The following PKD1L1 variants were observed in gnomAD, a reference collection of about 807,000 sequenced individuals.
PKD1L1 encodes the protein polycystin-1-like protein 1.
PKD1L1 carries 236 observed loss-of-function variants against 323.4 expected under a neutral mutation model. That is an observed-to-expected ratio of 0.73 (90% CI 0.66 to 0.81). The LOEUF (loss-of-function observed/expected upper bound fraction) is 0.81, where lower values mean the gene tolerates loss of function less well. Ranked by LOEUF, PKD1L1 falls within the 40% of genes least tolerant of loss-of-function variation. The probability of loss-of-function intolerance (pLI) is 0.00; values close to 1 mark genes in which losing one functional copy is unlikely to be tolerated. For missense variants in PKD1L1, 3,320 were observed against 3,508.0 expected, an observed-to-expected ratio of 0.95 and a Z score of 1.35; for synonymous variants, 1,344 against 1,335.0, an observed-to-expected ratio of 1.01 and a Z score of -0.15.
At position 47,813,234 on chromosome 7, in the gene PKD1L1, A is replaced by T; in HGVS notation, c.7233T>A (p.Val2411=). 12 of 1,614,174 alleles carry T rather than the reference A, an allele frequency of 7.4e-6. No individual in the cohort carries two copies. The highest frequency in any genetic ancestry group is 1.0e-5 in the Non-Finnish European group (12 of 1,180,022). The change falls in exon 49 of 57, where the codon GTT becomes GTA. Residue 2411 remains valine (V), a synonymous_variant. Coordinates refer to ENST00000289672, the MANE Select transcript of PKD1L1 (RefSeq NM_138295.5). ...EDSIPTCSPE[V]GGPENPYLID... ...TCAGGTAGGGGTTCTCAGGGCCTCC[A>T]ACTTCGGGACTACATGTAGGAATAG...
rs748121379 is a variant in PKD1L1, at chr7:47,876,222, G to C, written c.3664-5C>G. On this transcript the variant is annotated splice_polypyrimidine_tract_variant and splice_region_variant and intron_variant, in intron 22 of 56. Transcript: ENST00000289672. ...ACTAAATTCATAATGGAAGTCCTATGATCCAGTCCAAGGGAGCAAAAATAG... is the reference window on the plus strand; with the variant it reads ...ACTAAATTCATAATGGAAGTCCTATCATCCAGTCCAAGGGAGCAAAAATAG... The C allele has an allele frequency of 2.4e-5, 39 of 1,613,648 alleles. No homozygotes were observed. The East Asian group carries it at 8.7e-4, about 36-fold the overall frequency.
At chr7:47,827,224 GTCCCCACCTCCA>G in intron 45 of PKD1L1, 114 bp downstream of exon 45, 2 of 809,630 alleles carry the variant, frequency 2.5e-6, no homozygotes, top group Non-Finnish European at 3.8e-6. Flanking sequence ...CAGCAAGGTG[GTCCCCACCTCCA>G]CTCCCCACTC....
intron 4 of PKD1L1, among the ~76,000 whole-genome samples, chr7:47,935,419 A>C (rs1200859464): frequency 6.6e-6 from 1 of 152,162 alleles, no homozygotes; most frequent in African/African-American, 2.4e-5. Context: ...CCGGCCATAA[A>C]AGGTAGGCAT....
intron 12 of PKD1L1, among the ~76,000 whole-genome samples, chr7:47,903,280 C>T (rs920172046): frequency 6.6e-6 from 1 of 152,226 alleles, no homozygotes; most frequent in East Asian, 1.9e-4. Flanking sequence ...AAAGGTAGGG[C>T]CTACTGATAA....
rs142684649 is a variant in PKD1L1 at position 47,929,286 on chromosome 7, G to A, written c.978C>T (p.Phe326=). 22 of 1,614,064 alleles carry A rather than the reference G, an allele frequency of 1.4e-5. No homozygotes were observed. Among genetic ancestry groups the A allele is most frequent in the Middle Eastern group, 1.6e-4 (1 of 6,062 alleles). ...TCATTTCAACCCCAGAACTGTCCCC[G>A]AAATCCATCATCAGACAGAGAGCCT... ...SGEALCLMMD[F]GDSSGVEMRL... is the part of the protein sequence containing the mutation. The change falls in exon 7 of 57, where the codon TTC becomes TTT. Residue 326 remains phenylalanine (F), a synonymous_variant. Transcript: ENST00000289672.
intron 1 of PKD1L1, among the ~76,000 whole-genome samples, chr7:47,945,609 T>C (rs1216047578): frequency 6.6e-6 from 1 of 152,088 alleles, no homozygotes. Context: ...AGGGGACAAC[T>C]TTGGAATCAT....
chr7:47,839,431 C>G lies in PKD1L1; in HGVS notation c.5769+15G>C. 2 of 1,594,356 alleles carry G rather than the reference C, an allele frequency of 1.3e-6. No individual in the cohort carries two copies. The highest frequency in any genetic ancestry group is 8.6e-7 in the Non-Finnish European group (1 of 1,168,632). On this transcript the variant is annotated intron_variant, in intron 36 of 56. Transcript: ENST00000289672. The surrounding 1 kb of genome is among the most constrained non-coding windows in gnomAD (Gnocchi z 4.3). ...AGCCAGGTGCGCCACGAGAGGCCACCTGGAGGGAGCCTACCTTCCGGAAGC... is the reference window on the plus strand; with the variant it reads ...AGCCAGGTGCGCCACGAGAGGCCACGTGGAGGGAGCCTACCTTCCGGAAGC...
chr7:47,926,294 A>G (rs946228213), intron 7 of PKD1L1, among the ~76,000 whole-genome samples: 1 of 151,922 alleles, frequency 6.6e-6, no homozygotes, highest in African/African-American at 2.4e-5. Context: ...TTTAGGTAAT[A>G]ACTTAACTCT....
At chr7:47,780,492 C>A (rs1004648840) in intron 56 of PKD1L1, among the ~76,000 whole-genome samples, 1 of 152,044 alleles carries the variant, frequency 6.6e-6, no homozygotes, top group Non-Finnish European at 1.5e-5. Flanking sequence ...ATTAGCCAGG[C>A]GTGGTGGTGT....
At position 47,792,723 on chromosome 7, in the gene PKD1L1, T is replaced by C. The variant is rs1387570556; in HGVS notation, c.8430A>G (p.Leu2810=). Residue 2810 remains leucine, a synonymous_variant, in exon 56 of 57, where the codon CTA becomes CTG. Transcript: ENST00000289672. ...ATGTTTTTTCCAGAAGGGGGAGTTG[T>C]AGGCTGTCGGACAAACCATTAATCT... ...LMKINGLSDS[L]QLPLLEKTSN... The C allele has an allele frequency of 6.2e-7, 1 of 1,614,152 alleles. No homozygotes were observed. The highest frequency in any genetic ancestry group is 2.2e-5 in the East Asian group (1 of 44,872).
At chr7:47,932,914 A>T (rs1232425019) in intron 4 of PKD1L1, among the ~76,000 whole-genome samples, 3 of 152,218 alleles carry the variant, frequency 2.0e-5, no homozygotes, top group African/African-American at 7.2e-5. Context: ...ACGTTGGAGG[A>T]CACAGGCCCA....
chr7:47,931,977 C>T lies in PKD1L1; in HGVS notation c.478G>A (p.Ala160Thr), dbSNP rs747739419. 2.5e-6 allele frequency: 4 copies of T among 1,613,924 alleles called. No individual in the cohort carries two copies. The highest frequency in any genetic ancestry group is 4.5e-5 in the East Asian group (2 of 44,884). Residue 160 changes from alanine to threonine, a missense_variant, in exon 5 of 57, where the codon GCT (alanine) becomes ACT (threonine). Physicochemically the swap from Ala to Thr is moderately conservative, Grantham distance 58. Coordinates refer to ENST00000289672, the MANE Select transcript of PKD1L1 (RefSeq NM_138295.5). ...AATGTGCTGTCTGCGGTCCCAGTAG[C>T]ACACAGCCGCCTGTGATGGAACCTG... Reference protein sequence around the residue: ...GPRFHHRRLCATGTADSTFSA... With the variant: ...GPRFHHRRLCTTGTADSTFSA...
intron 54 of PKD1L1, among the ~76,000 whole-genome samples, chr7:47,797,967 C>G (rs1445987782): frequency 1.3e-5 from 2 of 152,092 alleles, no homozygotes; most frequent in East Asian, 3.8e-4. Context: ...GAGAGAAATA[C>G]AGAATTCTAG....
At chr7:47,957,759 G>C in the PKD1L1 span, among the ~76,000 whole-genome samples, 1 of 151,434 alleles carries the variant, frequency 6.6e-6, no homozygotes, top group African/African-American at 2.4e-5. Flanking sequence ...GCCTCCCAAA[G>C]TGCTGGGATT....
At chr7:47,816,309 C>A (rs1785017313) in intron 46 of PKD1L1, among the ~76,000 whole-genome samples, 1 of 152,218 alleles carries the variant, frequency 6.6e-6, no homozygotes, top group Non-Finnish European at 1.5e-5. Context: ...CACCAAGGAA[C>A]TGATTTAAGG....
chr7:47,904,227 C>T (rs1354715924), intron 12 of PKD1L1, 151 bp downstream of exon 12: 2 of 1,059,192 alleles, frequency 1.9e-6, no homozygotes, highest in African/African-American at 3.2e-5. Context: ...CCTTGAGAAG[C>T]ATGGTCAGGT....
upstream of PKD1L1, among the ~76,000 whole-genome samples, chr7:47,953,094 G>C (rs1461143492): frequency 6.6e-6 from 1 of 152,118 alleles, no homozygotes; most frequent in Non-Finnish European, 1.5e-5. Context: ...GATCACAGTA[G>C]GAATCATCTT....
intron 26 of PKD1L1, among the ~76,000 whole-genome samples, chr7:47,864,537 C>T (rs1303828989): frequency 1.3e-5 from 2 of 152,044 alleles, no homozygotes. Flanking sequence ...TTTGGGATTC[C>T]AAATTTCTTC....
At chr7:47,856,557 C>T (rs1275765539) in intron 28 of PKD1L1, among the ~76,000 whole-genome samples, 1 of 151,476 alleles carries the variant, frequency 6.6e-6, no homozygotes, top group Non-Finnish European at 1.5e-5. Context: ...ACAAGTGTAA[C>T]AGTGTAGGCC....
Sources: gnomAD v4.1 joint callset for allele counts (sites outside exome capture counted in the v4.1 genomes callset) on GRCh38, gnomAD v4.1.1 for gene constraint, Gnocchi (gnomAD v3.1) non-coding constraint, MANE v1.5 for transcripts, NCBI Gene and HGNC (gene_info 2026-07-23, HGNC 2026-07-21) for gene names.